Variants in PTPRM observed in about 807,000 individuals in gnomAD.
The protein encoded by PTPRM is protein tyrosine phosphatase receptor type M.
A neutral mutation model predicts 186.7 loss-of-function variants in PTPRM; 47 were observed. The observed-to-expected ratio is 0.25, with a 90% confidence interval of 0.20 to 0.32. PTPRM has a LOEUF of 0.32. Ranked by LOEUF, PTPRM falls within the 10% of genes least tolerant of loss-of-function variation. The pLI, the probability that PTPRM is intolerant of heterozygous loss-of-function variation, is 1.00. For synonymous variants in PTPRM, 668 were observed against 674.9 expected, an observed-to-expected ratio of 0.99 and a Z score of 0.16; for missense variants, 1,494 against 1,865.0, an observed-to-expected ratio of 0.80 and a Z score of 3.66.
At chr18:8,097,074 G>T (rs1194324463) in intron 11 of PTPRM, among the ~76,000 whole-genome samples, 1 of 152,146 alleles carries the variant, frequency 6.6e-6, no homozygotes, top group African/African-American at 2.4e-5. Flanking sequence ...ATTCTCTTCA[G>T]CAGGGCATTT....
chr18:8,215,636 G>A (rs1356537641), intron 14 of PTPRM, among the ~76,000 whole-genome samples: 1 of 148,460 alleles, frequency 6.7e-6, no homozygotes, highest in Non-Finnish European at 1.5e-5. Context: ...CATACCCGCC[G>A]GGCTCAAGTG....
At chr18:7,807,895 GC>G (rs904559009) in intron 2 of PTPRM, among the ~76,000 whole-genome samples, 3 of 152,150 alleles carry the variant, frequency 2.0e-5, no homozygotes, top group Admixed American at 2.0e-4. Flanking sequence ...TGTAGGTTTT[GC>G]CCCCCATAAT....
intron 22 of PTPRM, among the ~76,000 whole-genome samples, chr18:8,319,975 G>T (rs1022031834): frequency 6.6e-6 from 1 of 152,086 alleles, no homozygotes; most frequent in Non-Finnish European, 1.5e-5. Context: ...CAGATGGTGG[G>T]GGTCATGAGG....
At chr18:8,387,564 G>A (rs374216049) in intron 31 of PTPRM, among the ~76,000 whole-genome samples, 1 of 151,500 alleles carries the variant, frequency 6.6e-6, no homozygotes, top group Non-Finnish European at 1.5e-5. Flanking sequence ...AATTTTCTGA[G>A]CTGGGTCTTC....
chr18:7,713,589 A>G (rs574291565), intron 1 of PTPRM, among the ~76,000 whole-genome samples: 11 of 152,210 alleles, frequency 7.2e-5, no homozygotes, highest in Non-Finnish European at 7.4e-5. Context: ...TTGGATAAAG[A>G]GTCAAGACCC....
chr18:7,736,956 C>T (rs1368320977), intron 1 of PTPRM, among the ~76,000 whole-genome samples: 1 of 152,012 alleles, frequency 6.6e-6, no homozygotes, highest in East Asian at 1.9e-4. Flanking sequence ...AGGCTTGTGT[C>T]ACCGTGCCCA....
chr18:8,357,121 G>A (rs2095567502), intron 23 of PTPRM, among the ~76,000 whole-genome samples: 1 of 152,160 alleles, frequency 6.6e-6, no homozygotes. Context: ...AAAGATTCAG[G>A]ACAAAAACAT....
intron 23 of PTPRM, among the ~76,000 whole-genome samples, chr18:8,355,591 C>G (rs922540204): frequency 2.6e-5 from 4 of 152,158 alleles, no homozygotes; most frequent in African/African-American, 9.7e-5. Flanking sequence ...ACTGGAGATA[C>G]TGCAGAGACA....
At chr18:7,693,844 G>A (rs78627089) in intron 1 of PTPRM, among the ~76,000 whole-genome samples, 1,833 of 152,044 alleles carry the variant, frequency 0.012, 44 homozygotes, top group African/African-American at 0.042. Flanking sequence ...GGTGGGGTTG[G>A]GGCACTGGGG....
chr18:7,811,987 C>T (rs529029157), intron 2 of PTPRM, among the ~76,000 whole-genome samples: 1 of 152,268 alleles, frequency 6.6e-6, no homozygotes, highest in South Asian at 2.1e-4. Context: ...TGAATTTGAA[C>T]TCTGGTTCTG....
chr18:7,649,638 G>A (rs1317416522), intron 1 of PTPRM, among the ~76,000 whole-genome samples: 1 of 152,046 alleles, frequency 6.6e-6, no homozygotes, highest in East Asian at 1.9e-4. Flanking sequence ...ACTACAGATG[G>A]TGTAGTTACC....
chr18:7,707,384 A>C lies in PTPRM; in HGVS notation c.74-66765A>C, dbSNP rs539092983. 3.6e-3 allele frequency among the ~76,000 whole-genome samples: 545 copies of C among 152,158 alleles called. 3 individuals are homozygous for C. The highest frequency in any genetic ancestry group is 0.01 in the Middle Eastern group (3 of 294). On this transcript the variant is annotated intron_variant, in intron 1 of 32. Coordinates refer to ENST00000580170, the MANE Select transcript of PTPRM (RefSeq NM_001105244.2). ...GATGGCTCATACTTATAATAACAGC[A>C]CTTTGGGAGGCTGAGGCAGGGGGAT...
chr18:8,309,475 C>A (rs950156101), intron 20 of PTPRM, among the ~76,000 whole-genome samples: 2 of 152,022 alleles, frequency 1.3e-5, no homozygotes, highest in South Asian at 4.2e-4. Context: ...AGTGTGCACA[C>A]AGGAGGTGAA....
chr18:8,024,659 C>T (rs1328799476), intron 7 of PTPRM, among the ~76,000 whole-genome samples: 1 of 149,108 alleles, frequency 6.7e-6, no homozygotes, highest in East Asian at 2.0e-4. Context: ...ACACCAAATT[C>T]CAAAGATTTG....
intron 1 of PTPRM, among the ~76,000 whole-genome samples, chr18:7,676,316 A>G (rs955708791): frequency 6.6e-6 from 1 of 152,006 alleles, no homozygotes. Flanking sequence ...GGCATTAAGG[A>G]AAAAAAAGTT....
intron 1 of PTPRM, among the ~76,000 whole-genome samples, chr18:7,637,422 G>A (rs1032333823): frequency 2.0e-5 from 3 of 152,080 alleles, no homozygotes; most frequent in Non-Finnish European, 4.4e-5. Context: ...GTTGGACAGC[G>A]TCCACAGTAG....
At position 8,394,417 on chromosome 18, in the gene PTPRM, T is replaced by C. The variant is rs538570717; in HGVS notation, c.4209-59T>C. On this transcript the variant is annotated intron_variant, in intron 31 of 32. Coordinates refer to ENST00000580170, the MANE Select transcript of PTPRM (RefSeq NM_001105244.2). ...TTTAGACAGCTTGTTTCCACAGGTG[T>C]TTGCAAGATGCAGTGTAAAGACAGA... The C allele has an allele frequency of 1.6e-4, 249 of 1,518,390 alleles. 3 individuals are homozygous for C. In the South Asian group the frequency reaches 3.1e-3, roughly 19 times the overall value. 94.1% of individuals were successfully genotyped at this position (1,518,390 alleles called of 1,614,324 possible). A position where few individuals can be genotyped will look rare whatever the true frequency, so the allele number is the denominator to read the frequency against.
intron 14 of PTPRM, among the ~76,000 whole-genome samples, chr18:8,208,660 C>T (rs2093961579): frequency 6.6e-6 from 1 of 152,100 alleles, no homozygotes; most frequent in African/African-American, 2.4e-5. Context: ...AGGTGTGAGC[C>T]ACCACCCTGA....
intron 23 of PTPRM, among the ~76,000 whole-genome samples, chr18:8,352,965 C>A (rs906109760): frequency 6.6e-6 from 1 of 152,144 alleles, no homozygotes; most frequent in African/African-American, 2.4e-5. Context: ...CCACCCCACC[C>A]GGCCCGATTT....
Sources: gnomAD v4.1 joint callset for allele counts (sites outside exome capture counted in the v4.1 genomes callset) on GRCh38, gnomAD v4.1.1 for gene constraint, MANE v1.5 for transcripts, NCBI Gene and HGNC (gene_info 2026-07-23, HGNC 2026-07-21) for gene names.